Variants in AGAP1 observed in about 807,000 individuals in gnomAD.
The protein encoded by AGAP1 is arf-GAP with GTPase, ANK repeat and PH domain-containing protein 1.
AGAP1 carries 29 observed loss-of-function variants against 105.3 expected under a neutral mutation model. The observed-to-expected ratio is 0.28, with a 90% CI of 0.21 to 0.38. AGAP1 has a LOEUF of 0.38. AGAP1 is among the 10% of genes least tolerant of loss of function. AGAP1 has a pLI of 1.00. For missense variants in AGAP1, 998 were observed against 1,165.1 expected (o/e 0.86, Z 2.09); for synonymous variants, 509 against 485.9 (o/e 1.05, Z -0.63).
chr2:235,810,350 C>T (rs892383311), intron 9 of AGAP1, among the ~76,000 whole-genome samples: 2 of 152,132 alleles, frequency 1.3e-5, no homozygotes, highest in South Asian at 4.2e-4. Context: ...GTGAAAGACT[C>T]GGGTCTGCAT....
chr2:235,638,972 C>T (rs1947103176), intron 1 of AGAP1, among the ~76,000 whole-genome samples: 1 of 152,138 alleles, frequency 6.6e-6, no homozygotes. Context: ...TTCAGGCAAT[C>T]CAGATCAAAT....
rs1403592680 is a variant in AGAP1, at chr2:235,577,255, G to T, written c.163+82406G>T. Among the ~76,000 whole-genome samples, 1 of 152,210 alleles carries T rather than the reference G, an allele frequency of 6.6e-6. No individual in the cohort carries two copies. The highest frequency in any genetic ancestry group is 1.5e-5 in the Non-Finnish European group (1 of 68,042). ...CTTTCATTGCAATTATCTGGAATTT[G>T]TGGACGAGGTTTGCTATAATCCTGT... On this transcript the variant is annotated intron_variant, in intron 1 of 17. Coordinates refer to ENST00000304032, the MANE Select transcript of AGAP1 (RefSeq NM_001037131.3). This position sits in a 1 kb window ranked among gnomAD's most constrained non-coding sequence, Gnocchi z 4.5.
chr2:235,703,272 T>G (rs2149485536), intron 1 of AGAP1, among the ~76,000 whole-genome samples: 1 of 152,150 alleles, frequency 6.6e-6, no homozygotes, highest in Admixed American at 6.5e-5. Context: ...TCATCAGGAC[T>G]TGGCAGGCCA....
At position 235,733,611 on chromosome 2, in the gene AGAP1, C is replaced by T. The variant is rs532133557; in HGVS notation, c.311-7352C>T. Reference sequence around the variant, plus strand: ...TCTGCCATCTTAACCTGGAGTTTGGCTTTTTTCTTGTTCTGTGTTCCTTTT... The same window carrying T: ...TCTGCCATCTTAACCTGGAGTTTGGTTTTTTTCTTGTTCTGTGTTCCTTTT... On this transcript the variant is annotated intron_variant, in intron 3 of 17. Coordinates refer to ENST00000304032, the MANE Select transcript of AGAP1 (RefSeq NM_001037131.3). This position sits in a 1 kb window ranked among gnomAD's most constrained non-coding sequence, Gnocchi z 5.0. 2.0e-3 allele frequency among the ~76,000 whole-genome samples: 305 copies of T among 152,214 alleles called. 1 individual carries two copies. Among genetic ancestry groups the T allele is most frequent in the Non-Finnish European group, 3.4e-3 (231 of 67,986 alleles).
intron 16 of AGAP1, among the ~76,000 whole-genome samples, chr2:236,059,437 G>T (rs1279727043): frequency 6.6e-6 from 1 of 151,396 alleles, no homozygotes; most frequent in Non-Finnish European, 1.5e-5. Context: ...TCAGCTGCCT[G>T]TTTTTTTCCC....
At chr2:235,978,040 A>C (rs555670420) in intron 13 of AGAP1, among the ~76,000 whole-genome samples, 1 of 152,138 alleles carries the variant, frequency 6.6e-6, no homozygotes, top group Admixed American at 6.5e-5. Context: ...TGGTGTGCAC[A>C]CACACACAGA....
At chr2:235,709,981 ATGTT>A (rs934604215) in intron 2 of AGAP1, among the ~76,000 whole-genome samples, 8 of 152,094 alleles carry the variant, frequency 5.3e-5, no homozygotes, top group African/African-American at 1.4e-4. Context: ...TTCCGTGTGT[ATGTT>A]TATATTTATG....
At chr2:235,848,304 T>C (rs1028586915) in intron 9 of AGAP1, among the ~76,000 whole-genome samples, 2 of 152,196 alleles carry the variant, frequency 1.3e-5, no homozygotes, top group African/African-American at 2.4e-5. Flanking sequence ...TCTTTAGGGA[T>C]TGGCCTGTGC....
rs1431711645 is a variant in AGAP1 at position 235,714,717 on chromosome 2, C to A, written c.223-2840C>A. Reference sequence around the variant, plus strand: ...CACTCAGACAGCAGACCACGGTGGCCTGTAAATCACTGAGAACCTTTTTTC... The same window carrying A: ...CACTCAGACAGCAGACCACGGTGGCATGTAAATCACTGAGAACCTTTTTTC... On this transcript the variant is annotated intron_variant, in intron 2 of 17. Coordinates refer to ENST00000304032, the MANE Select transcript of AGAP1 (RefSeq NM_001037131.3). The surrounding 1 kb of genome is among the most constrained non-coding windows in gnomAD (Gnocchi z 4.1). 1.3e-5 allele frequency among the ~76,000 whole-genome samples: 2 copies of A among 152,104 alleles called. No homozygotes were observed. The highest frequency in any genetic ancestry group is 6.5e-5 in the Admixed American group (1 of 15,272).
Position 236,040,774 on chromosome 2 carries a change from G to A in AGAP1, c.1824G>A (p.Glu608=), listed in dbSNP as rs2057525669. The A allele has an allele frequency of 6.2e-7, 1 of 1,613,520 alleles. No individual in the cohort carries two copies. Among genetic ancestry groups the A allele is most frequent in the Non-Finnish European group, 8.5e-7 (1 of 1,180,048 alleles). The change falls in exon 15 of 18, where the codon GAG becomes GAA. Residue 608 remains glutamate, a synonymous_variant. Transcript: ENST00000304032. This position sits in a 1 kb window ranked among gnomAD's most constrained non-coding sequence, Gnocchi z 5.6. ...KNKSRLTSQS[E]AMALQSIRNM... Reference sequence around the variant, plus strand: ...AGTCCCGGCTGACGAGCCAGAGCGAGGCCATGGCCCTGCAGTCGATCCGGA... The same window carrying A: ...AGTCCCGGCTGACGAGCCAGAGCGAAGCCATGGCCCTGCAGTCGATCCGGA...
chr2:235,583,658 G>C (rs1162285288), intron 1 of AGAP1, among the ~76,000 whole-genome samples: 1 of 149,864 alleles, frequency 6.7e-6, no homozygotes, highest in Non-Finnish European at 1.5e-5. Context: ...AGGTGGATCA[G>C]TTGAGGCCAG....
intron 6 of AGAP1, among the ~76,000 whole-genome samples, chr2:235,772,681 A>G (rs1955551713): frequency 6.6e-6 from 1 of 152,188 alleles, no homozygotes; most frequent in Non-Finnish European, 1.5e-5. Flanking sequence ...TGGGCCTAAG[A>G]AGGTGGGTGA....
chr2:235,949,781 G>A (rs1001953300), intron 12 of AGAP1, among the ~76,000 whole-genome samples: 3 of 152,246 alleles, frequency 2.0e-5, no homozygotes, highest in African/African-American at 4.8e-5. Context: ...CAGCCACGCC[G>A]CACCCCCGAG....
intron 1 of AGAP1, among the ~76,000 whole-genome samples, chr2:235,699,239 G>C (rs1575161676): frequency 6.6e-6 from 1 of 152,166 alleles, no homozygotes; most frequent in Non-Finnish European, 1.5e-5. Flanking sequence ...AGCTGGGTCA[G>C]GGGGATGGGG....
Position 235,739,272 on chromosome 2 carries a change from G to C in AGAP1, c.311-1691G>C, listed in dbSNP as rs561570539. Among the ~76,000 whole-genome samples the C allele has an allele frequency of 2.0e-4, 30 of 152,238 alleles. No individual in the cohort carries two copies. The highest frequency in any genetic ancestry group is 3.4e-4 in the Non-Finnish European group (23 of 68,050). ...GACCGTCTGCAGCACCGTCACATAC[G>C]TGGGGACGTCCACCTGTGTCAGATG... On this transcript the variant is annotated intron_variant, in intron 3 of 17. Coordinates refer to ENST00000304032, the MANE Select transcript of AGAP1 (RefSeq NM_001037131.3). This position sits in a 1 kb window ranked among gnomAD's most constrained non-coding sequence, Gnocchi z 5.3.
rs150495994 is a variant in AGAP1, at chr2:236,080,428, G to A, written c.2114+31147G>A. ...AGTTTGCAACCAGACAAGTTTAGAG[G>A]CCTGTGGAATTCCCAGGCCAAGGGA... On this transcript the variant is annotated intron_variant, in intron 16 of 17. Coordinates refer to ENST00000304032, the MANE Select transcript of AGAP1 (RefSeq NM_001037131.3). This position sits in a 1 kb window ranked among gnomAD's most constrained non-coding sequence, Gnocchi z 4.2. Among the ~76,000 whole-genome samples the A allele has an allele frequency of 4.1e-4, 62 of 152,284 alleles. No homozygotes were observed. The East Asian group carries it at 0.011, about 28-fold the overall frequency.
chr2:235,547,659 A>G (rs1943670633), intron 1 of AGAP1, among the ~76,000 whole-genome samples: 1 of 152,062 alleles, frequency 6.6e-6, no homozygotes, highest in African/African-American at 2.4e-5. Flanking sequence ...ACGCTCAACT[A>G]ATTTTTGTAT....
chr2:235,874,240 G>A lies in AGAP1; in HGVS notation c.1051-9105G>A, dbSNP rs546092193. 6.6e-6 allele frequency among the ~76,000 whole-genome samples: 1 copy of A among 152,062 alleles called. No individual in the cohort carries two copies. Among genetic ancestry groups the A allele is most frequent in the East Asian group, 1.9e-4 (1 of 5,158 alleles). ...TAATTTTTTGCATTTTACTAGAGAC[G>A]GGGTTTCACCATGTTTACCGGGATG... On this transcript the variant is annotated intron_variant, in intron 9 of 17. Coordinates refer to ENST00000304032, the MANE Select transcript of AGAP1 (RefSeq NM_001037131.3). This position sits in a 1 kb window ranked among gnomAD's most constrained non-coding sequence, Gnocchi z 4.5.
chr2:235,958,392 C>A lies in AGAP1; in HGVS notation c.1484-10070C>A, dbSNP rs2054039323. Among the ~76,000 whole-genome samples, 1 of 152,076 alleles carries A rather than the reference C, an allele frequency of 6.6e-6. No homozygotes were observed. The highest frequency in any genetic ancestry group is 1.5e-5 in the Non-Finnish European group (1 of 68,018). On this transcript the variant is annotated intron_variant, in intron 12 of 17. Coordinates refer to ENST00000304032, the MANE Select transcript of AGAP1 (RefSeq NM_001037131.3). This position sits in a 1 kb window ranked among gnomAD's most constrained non-coding sequence, Gnocchi z 4.1. ...TTGCAGCAGGGAGGCTTGCAGAGATCAAGTGCACCTACGCCCAGCACCTCC... is the reference window on the plus strand; with the variant it reads ...TTGCAGCAGGGAGGCTTGCAGAGATAAAGTGCACCTACGCCCAGCACCTCC...
Sources: gnomAD v4.1 joint callset for allele counts (sites outside exome capture counted in the v4.1 genomes callset) on GRCh38, gnomAD v4.1.1 for gene constraint, Gnocchi (gnomAD v3.1) non-coding constraint, MANE v1.5 for transcripts, NCBI Gene and HGNC (gene_info 2026-07-23, HGNC 2026-07-21) for gene names.